ZC3H18: variants seen among roughly 807,000 people sequenced by gnomAD.
ZC3H18 encodes zinc finger CCCH-type containing 18, also known as zinc finger CCCH domain-containing protein 18.
ZC3H18 carries 8 observed loss-of-function variants against 106.1 expected under a neutral mutation model. That is an observed-to-expected ratio of 0.08 (90% confidence interval 0.04 to 0.14). ZC3H18 has a LOEUF of 0.14. ZC3H18 is among the 10% of genes least tolerant of loss of function. The probability of loss-of-function intolerance (pLI) is 1.00; values close to 1 mark genes in which losing one functional copy is unlikely to be tolerated. For missense variants in ZC3H18, 1,318 were observed against 1,278.4 expected (o/e 1.03, Z -0.47); for synonymous variants, 635 against 522.1 (o/e 1.22, Z -2.95).
At position 88,585,682 on chromosome 16, in the gene ZC3H18, C is replaced by T. The variant is rs1452644948; in HGVS notation, c.604-918C>T. Among the ~76,000 whole-genome samples, 2 of 152,042 alleles carry T rather than the reference C, an allele frequency of 1.3e-5. 1 individual carries two copies. Among genetic ancestry groups the T allele is most frequent in the Non-Finnish European group, 2.9e-5 (2 of 67,984 alleles). ...TGGAACTGGAAAAGGGCGCTTCACA[C>T]TGTGAAGCGAGACTGGAGGAGTTGA... is the stretch of plus-strand genomic sequence containing the variant. On this transcript the variant is annotated intron_variant, in intron 2 of 17. Coordinates refer to ENST00000301011, the MANE Select transcript of ZC3H18 (RefSeq NM_144604.4).
intron 3 of ZC3H18, among the ~76,000 whole-genome samples, chr16:88,592,401 C>T (rs1236939705): frequency 6.6e-6 from 1 of 152,112 alleles, no homozygotes; most frequent in Non-Finnish European, 1.5e-5. Flanking sequence ...TCTGTGAACC[C>T]CTGGGAGTCC....
chr16:88,629,430 T>G (rs1906522198), intron 16 of ZC3H18, among the ~76,000 whole-genome samples: 1 of 152,230 alleles, frequency 6.6e-6, no homozygotes, highest in African/African-American at 2.4e-5. Context: ...GAGCTGAGAT[T>G]GCACCATTGC....
chr16:88,587,758 T>C, intron 3 of ZC3H18: 1 of 786,872 alleles, frequency 1.3e-6, no homozygotes, highest in South Asian at 1.8e-5. Flanking sequence ...GTTCGGAACC[T>C]CCTCCTTAGA....
chr16:88,593,957 T>C (rs1174255349), intron 3 of ZC3H18, among the ~76,000 whole-genome samples: 4 of 152,134 alleles, frequency 2.6e-5, no homozygotes, highest in East Asian at 3.8e-4. Flanking sequence ...AAGAACCAAG[T>C]TGGAAAAGTG....
intron 9 of ZC3H18, chr16:88,622,677 C>T (rs1324374657): frequency 1.2e-5 from 5 of 409,714 alleles, no homozygotes; most frequent in African/African-American, 2.0e-5. Flanking sequence ...CACCTGGATG[C>T]GGGAGGACGC....
At position 88,574,463 on chromosome 16, in the gene ZC3H18, C is replaced by T. The variant is rs746274589; in HGVS notation, c.-14-2647C>T. On this transcript the variant is annotated intron_variant, in intron 1 of 17. Transcript: ENST00000301011. The stretch of plus-strand genomic sequence containing the variant: ...ACTTCGGATGATCCACCTGCCTTGG[C>T]CTCCCAAAGTGCTAGGATTACAGAC... 1.8e-3 allele frequency among the ~76,000 whole-genome samples: 281 copies of T among 151,926 alleles called. 4 individuals are homozygous for T. The highest frequency in any genetic ancestry group is 3.2e-3 in the Non-Finnish European group (219 of 67,848).
At chr16:88,617,115 C>T (rs929855721) in intron 8 of ZC3H18, among the ~76,000 whole-genome samples, 1 of 152,178 alleles carries the variant, frequency 6.6e-6, no homozygotes, top group African/African-American at 2.4e-5. Flanking sequence ...GATGGCCAGC[C>T]CTCTGTCCAT....
At chr16:88,571,951 C>T (rs777609731) in intron 1 of ZC3H18, among the ~76,000 whole-genome samples, 1 of 152,228 alleles carries the variant, frequency 6.6e-6, no homozygotes, top group African/African-American at 2.4e-5. Flanking sequence ...TGTATTTCAT[C>T]GGTGCTTCTT....
intron 3 of ZC3H18, among the ~76,000 whole-genome samples, chr16:88,596,635 G>A (rs1447844364): frequency 6.6e-6 from 1 of 152,080 alleles, no homozygotes; most frequent in Non-Finnish European, 1.5e-5. Flanking sequence ...CACTCAGTCA[G>A]AGTGAGACTC....
At chr16:88,597,802 A>T (rs568957991) in intron 3 of ZC3H18, among the ~76,000 whole-genome samples, 8 of 152,364 alleles carry the variant, frequency 5.3e-5, no homozygotes, top group Admixed American at 4.6e-4. Flanking sequence ...CACAAATACA[A>T]TTAACATCCA....
At chr16:88,608,035 A>G (rs866042233) in intron 6 of ZC3H18, among the ~76,000 whole-genome samples, 5 of 152,090 alleles carry the variant, frequency 3.3e-5, no homozygotes, top group South Asian at 2.1e-4. Flanking sequence ...ACTGATTTCT[A>G]TGTTAATTTT....
rs780493300 is a variant in ZC3H18, at chr16:88,628,748, CTT to C, written c.2470-9_2470-8del. On this transcript the variant is annotated splice_region_variant and splice_polypyrimidine_tract_variant and intron_variant, in intron 15 of 17. Transcript: ENST00000301011. ...CCCTGCTGTCCTCACTGGCCTCTCT[CTT>C]GTCCCAGGCGGCTGATAAAGGAAGC... The C allele has an allele frequency of 3.7e-6, 6 of 1,613,898 alleles. No homozygotes were observed. In the East Asian group the frequency reaches 8.9e-5, roughly 24 times the overall value.
At chr16:88,595,627 C>T (rs1337783376) in intron 3 of ZC3H18, among the ~76,000 whole-genome samples, 6 of 151,244 alleles carry the variant, frequency 4.0e-5, no homozygotes, top group African/African-American at 1.2e-4. Flanking sequence ...GCTAACATGG[C>T]GAAACCCTGT....
At chr16:88,598,532 G>A (rs1050518591) in intron 4 of ZC3H18, 88 bp from the exon 5 acceptor site, 4 of 1,469,930 alleles carry the variant, frequency 2.7e-6, no homozygotes, top group African/African-American at 1.4e-5. Flanking sequence ...CGGCCGGCTT[G>A]TGTTGTAGTT....
At chr16:88,629,290 C>G (rs1248283933) in intron 16 of ZC3H18, among the ~76,000 whole-genome samples, 1 of 152,206 alleles carries the variant, frequency 6.6e-6, no homozygotes, top group Non-Finnish European at 1.5e-5. Flanking sequence ...GCCTGGCTAA[C>G]ATGGTGAAAC....
At chr16:88,624,474 G>C (rs192050747) in intron 11 of ZC3H18, 128 bp from the exon 12 acceptor site, 2 of 1,430,820 alleles carry the variant, frequency 1.4e-6, no homozygotes, top group Non-Finnish European at 1.9e-6. Flanking sequence ...GTCCAGGCAC[G>C]AGCGTGCTCA....
intron 3 of ZC3H18, among the ~76,000 whole-genome samples, chr16:88,593,073 T>G (rs1915846488): frequency 6.6e-6 from 1 of 152,124 alleles, no homozygotes; most frequent in Non-Finnish European, 1.5e-5. Flanking sequence ...ATAGAGCAAT[T>G]GTAATAAAAA....
intron 8 of ZC3H18, among the ~76,000 whole-genome samples, chr16:88,612,695 T>C (rs973036422): frequency 1.3e-5 from 2 of 149,686 alleles, no homozygotes; most frequent in Admixed American, 1.3e-4. Flanking sequence ...AAAAAAAAAA[T>C]TAAAAATTGT....
intron 3 of ZC3H18, among the ~76,000 whole-genome samples, chr16:88,591,812 G>C (rs913157149): frequency 2.0e-5 from 3 of 152,210 alleles, no homozygotes; most frequent in African/African-American, 4.8e-5. Flanking sequence ...GGAACTGCTG[G>C]CAGCGGAGTT....
Sources: allele counts gnomAD v4.1 joint callset (sites outside exome capture counted in the v4.1 genomes callset), GRCh38; gene constraint gnomAD v4.1.1; transcripts MANE v1.5; gene names NCBI Gene and HGNC (gene_info 2026-07-23, HGNC 2026-07-21).